EHMT1: variants seen among roughly 807,000 people sequenced by gnomAD.
EHMT1 encodes the protein histone-lysine N-methyltransferase EHMT1.
A neutral mutation model predicts 147.2 loss-of-function variants in EHMT1; 15 were observed. The observed-to-expected ratio is 0.10, with a 90% CI of 0.07 to 0.16. EHMT1 has a LOEUF of 0.16. Among genes scored for constraint, EHMT1 ranks in the 10% least tolerant of loss-of-function variants. The probability of loss-of-function intolerance (pLI) is 1.00; values close to 1 mark genes in which losing one functional copy is unlikely to be tolerated. For missense variants in EHMT1, 1,587 were observed against 1,772.4 expected, an observed-to-expected ratio of 0.90 and a Z score of 1.88; for synonymous variants, 795 against 709.6, an observed-to-expected ratio of 1.12 and a Z score of -1.91.
chr9:137,701,689 G>A (rs1398128320), intron 1 of EHMT1, among the ~76,000 whole-genome samples: 1 of 145,360 alleles, frequency 6.9e-6, no homozygotes, highest in Non-Finnish European at 1.5e-5. Context: ...GTGCAATGGT[G>A]TGATCTCAGC....
chr9:137,758,909 C>T (rs4876940), intron 9 of EHMT1, among the ~76,000 whole-genome samples: 42,618 of 151,934 alleles, frequency 0.28, 6,497 homozygotes, highest in Admixed American at 0.41. Context: ...GGGCAGATCA[C>T]GAGGTCAGGA....
In EHMT1 at chr9:137,776,465, G is replaced by A. The variant is rs952436549; in HGVS notation, c.1792-153G>A. ...GGAAGCATCGTTCCTCCTTCTTAAC[G>A]ATGCCTGGGGCCAAGACTGGACCCC... On this transcript the variant is annotated intron_variant, in intron 11 of 26. Transcript: ENST00000460843. This position sits in a 1 kb window ranked among gnomAD's most constrained non-coding sequence, Gnocchi z 4.4. The A allele has an allele frequency of 5.1e-5, 35 of 692,452 alleles. No individual in the cohort carries two copies. The highest frequency in any genetic ancestry group is 1.1e-4 in the Admixed American group (5 of 44,552). The allele number at this position is 692,452 out of a possible 1,614,324, so 42.9% of individuals were successfully genotyped here. A position where few individuals can be genotyped will look rare whatever the true frequency, so the allele number is the denominator to read the frequency against.
At chr9:137,626,008 A>G (rs894707058) in intron 1 of EHMT1, among the ~76,000 whole-genome samples, 3 of 147,136 alleles carry the variant, frequency 2.0e-5, no homozygotes, top group Non-Finnish European at 3.0e-5. Flanking sequence ...GGCATGCACC[A>G]CCAAGCCTGG....
chr9:137,636,545 C>G (rs1036034743), intron 1 of EHMT1, among the ~76,000 whole-genome samples: 3 of 151,956 alleles, frequency 2.0e-5, no homozygotes, highest in Admixed American at 6.6e-5. Flanking sequence ...CCATAGATGC[C>G]CTTTACTAGA....
chr9:137,669,232 C>T (rs1011255386), intron 1 of EHMT1, among the ~76,000 whole-genome samples: 2 of 151,676 alleles, frequency 1.3e-5, no homozygotes, highest in East Asian at 1.9e-4. Flanking sequence ...TCTTCCCTCT[C>T]GCACCCTGCA....
At chr9:137,727,329 T>G (rs898959065) in intron 3 of EHMT1, among the ~76,000 whole-genome samples, 3 of 152,316 alleles carry the variant, frequency 2.0e-5, no homozygotes, top group Admixed American at 6.5e-5. Context: ...TTTTTTCTTC[T>G]GTTGCCTGTA....
chr9:137,675,994 C>T (rs1166238999), intron 1 of EHMT1: 7 of 150,984 alleles, frequency 4.6e-5, no homozygotes, highest in South Asian at 4.2e-4. Context: ...CGTTTTTAGC[C>T]GGGATGGTCT....
intron 2 of EHMT1, among the ~76,000 whole-genome samples, chr9:137,714,108 T>C (rs762772756): frequency 2.0e-4 from 31 of 152,232 alleles, no homozygotes; most frequent in Non-Finnish European, 4.3e-4. Flanking sequence ...TTTCTTCCAT[T>C]CCAATCTGCA....
At chr9:137,694,246 G>A (rs1221638419) in intron 1 of EHMT1, among the ~76,000 whole-genome samples, 1 of 117,838 alleles carries the variant, frequency 8.5e-6, no homozygotes, top group Non-Finnish European at 1.7e-5. Flanking sequence ...GACGCTGGCC[G>A]ATACCCCCAC....
intron 2 of EHMT1, among the ~76,000 whole-genome samples, chr9:137,712,285 G>A (rs1364242960): frequency 6.6e-6 from 1 of 152,168 alleles, no homozygotes; most frequent in East Asian, 1.9e-4. Flanking sequence ...ACAAGCCCCA[G>A]GTTATTCCAT....
At chr9:137,674,590 C>T (rs574479797) in intron 1 of EHMT1, among the ~76,000 whole-genome samples, 58 of 152,338 alleles carry the variant, frequency 3.8e-4, no homozygotes, top group African/African-American at 1.3e-3. Context: ...TACGATTGCA[C>T]GACTCACCTC....
At position 137,813,554 on chromosome 9, in the gene EHMT1, T is replaced by C. The variant is rs183077167; in HGVS notation, c.3180+24T>C. 1,313 of 1,613,230 alleles carry C rather than the reference T, an allele frequency of 8.1e-4. 8 individuals carry two copies. The African/African-American group carries it at 0.016, about 20-fold the overall frequency. On this transcript the variant is annotated intron_variant, in intron 21 of 26. Coordinates refer to ENST00000460843, the MANE Select transcript of EHMT1 (RefSeq NM_024757.5). The surrounding 1 kb of genome is among the most constrained non-coding windows in gnomAD (Gnocchi z 4.9). The stretch of plus-strand genomic sequence containing the variant: ...AGGTGAGTGACGGCAGATGAAGGGC[T>C]GACTCAGGCCAGGACATGGGACAGG...
intron 1 of EHMT1, among the ~76,000 whole-genome samples, chr9:137,623,783 T>C (rs1843086282): frequency 6.6e-6 from 1 of 152,198 alleles, no homozygotes; most frequent in African/African-American, 2.4e-5. Flanking sequence ...AAAGTCATTT[T>C]GAAGTCATAG....
In EHMT1 at chr9:137,752,335, A is replaced by G. The variant is rs1338715198; in HGVS notation, c.1175A>G (p.Asp392Gly). 1 of 1,614,054 alleles carries G rather than the reference A, an allele frequency of 6.2e-7. No homozygotes were observed. Residue 392 changes from aspartate to glycine, a missense_variant, in exon 7 of 27, where the codon GAC (aspartate) becomes GGC (glycine). By Grantham distance (94) the Asp-to-Gly change is moderately conservative. Around this residue, in one of 7 missense-constraint regions of EHMT1, gnomAD observed 810 missense variants for 673.0 expected, o/e 1.20. Transcript: ENST00000460843. ...MSEADRAQKMDGESEEEQESV... is the reference protein window; with the variant it reads ...MSEADRAQKMGGESEEEQESV... ...TTCGACTGTGTGGCTGATCAGATGG[A>G]CGGGGAGTCCGAGGAGGAGCAGGAG...
In EHMT1 at chr9:137,683,998, T is replaced by G. The variant is rs111763612; in HGVS notation, c.22-26969T>G. On this transcript the variant is annotated intron_variant, in intron 1 of 26. Transcript: ENST00000460843. ...ATAATATTGCTTTGTATATATTTCA[T>G]TTTTTTCCTATTAACTGTTTTTTGT... is the stretch of plus-strand genomic sequence containing the variant. Among the ~76,000 whole-genome samples, 26 of 151,986 alleles carry G rather than the reference T, an allele frequency of 1.7e-4. 1 individual carries two copies. Among genetic ancestry groups the G allele is most frequent in the African/African-American group, 6.0e-4 (25 of 41,466 alleles).
At chr9:137,655,926 C>A (rs1206566533) in intron 1 of EHMT1, among the ~76,000 whole-genome samples, 1 of 152,106 alleles carries the variant, frequency 6.6e-6, no homozygotes, top group Non-Finnish European at 1.5e-5. Context: ...TAATGATAAA[C>A]TGAAAGATCA....
intron 25 of EHMT1, among the ~76,000 whole-genome samples, chr9:137,820,592 C>T (rs968819961): frequency 6.6e-5 from 10 of 152,162 alleles, no homozygotes; most frequent in African/African-American, 1.9e-4. Context: ...TTCCCAGAAA[C>T]GGTCATGTTT....
intron 1 of EHMT1, among the ~76,000 whole-genome samples, chr9:137,640,761 A>T (rs903245821): frequency 2.6e-5 from 4 of 152,190 alleles, no homozygotes; most frequent in African/African-American, 9.7e-5. Flanking sequence ...TTGATTCCAT[A>T]CAAGTTTGTT....
chr9:137,742,860 G>A, intron 4 of EHMT1: 1 of 200,372 alleles, frequency 5.0e-6, no homozygotes. Context: ...GGTGGACCTG[G>A]CACAGAGCTT....
Sources: allele counts gnomAD v4.1 joint callset (sites outside exome capture counted in the v4.1 genomes callset), GRCh38; gene constraint gnomAD v4.1.1; regional missense constraint gnomAD v4.1.1; non-coding constraint Gnocchi (gnomAD v3.1); transcripts MANE v1.5; gene names NCBI Gene and HGNC (gene_info 2026-07-23, HGNC 2026-07-21).